Variants in IL13RA1 observed in about 807,000 individuals in gnomAD.
IL13RA1 encodes interleukin-13 receptor subunit alpha-1.
In IL13RA1, 14 loss-of-function variants were observed where a neutral mutation model predicts 33.8. The ratio of observed to expected loss-of-function variants is 0.41; its 90% CI spans 0.27 to 0.65. The LOEUF is 0.65. IL13RA1 is among the 30% of genes least tolerant of loss of function. The pLI is 0.28. For missense variants in IL13RA1, 313 were observed against 327.0 expected (o/e 0.96, Z 0.33); for synonymous variants, 116 against 115.7 (o/e 1.00, Z -0.02).
downstream of IL13RA1, among the ~76,000 whole-genome samples, chrX:118,795,424 A>T (rs1188438630): frequency 9.0e-6 from 1 of 111,163 alleles, no homozygotes; most frequent in Non-Finnish European, 1.9e-5. Flanking sequence ...ATAGAATCCA[A>T]ACCCTAGGGA....
intron 1 of IL13RA1, among the ~76,000 whole-genome samples, chrX:118,732,151 A>G (rs1371237183): frequency 9.0e-6 from 1 of 110,929 alleles, no homozygotes. Context: ...ATCCATCCCC[A>G]TAACTCTTTT....
chrX:118,804,481 G>A, the IL13RA1 span, among the ~76,000 whole-genome samples: 3 of 109,917 alleles, frequency 2.7e-5, no homozygotes, highest in Non-Finnish European at 3.8e-5. Flanking sequence ...GCAAATGGTA[G>A]TACAGAGCAT....
intron 1 of IL13RA1, among the ~76,000 whole-genome samples, chrX:118,734,746 A>G (rs769693704): frequency 1.3e-4 from 15 of 111,952 alleles, no homozygotes; most frequent in South Asian, 7.3e-4. Flanking sequence ...TTGTACATCA[A>G]TGTTCATAAG....
At chrX:118,769,030 CAG>C (rs778977404) in intron 8 of IL13RA1, among the ~76,000 whole-genome samples, 11 of 112,541 alleles carry the variant, frequency 9.8e-5, no homozygotes, top group Admixed American at 5.7e-4. Context: ...AAGCAAGAAA[CAG>C]TGTGAGAGAA....
chrX:118,766,318 T>C (rs1233376078), intron 6 of IL13RA1, among the ~76,000 whole-genome samples: 4 of 111,224 alleles, frequency 3.6e-5, no homozygotes, highest in Non-Finnish European at 7.5e-5. Context: ...TTGTGAATAG[T>C]ATGAGGTAGG....
chrX:118,748,699 G>A (rs944577937), intron 3 of IL13RA1, among the ~76,000 whole-genome samples: 1 of 111,111 alleles, frequency 9.0e-6, no homozygotes, highest in African/African-American at 3.3e-5. Context: ...ATGGCTCAGT[G>A]TAGTACCCCT....
At chrX:118,783,620 T>G (rs1392220483) in intron 10 of IL13RA1, among the ~76,000 whole-genome samples, 1 of 110,879 alleles carries the variant, frequency 9.0e-6, no homozygotes, top group Non-Finnish European at 1.9e-5. Flanking sequence ...TCTGTTGTAG[T>G]GTTCACCTCA....
Position 118,776,424 on chromosome X carries a change from A to C in IL13RA1, c.1107-3A>C. ...TGAATCAAATGTCTCTGTTTTCTTA[A>C]AGGCTCAAGATTATTATATTCCCTC... is the stretch of plus-strand genomic sequence containing the variant. On this transcript the variant is annotated splice_polypyrimidine_tract_variant and splice_region_variant and intron_variant, in intron 9 of 10. Coordinates refer to ENST00000371666, the MANE Select transcript of IL13RA1 (RefSeq NM_001560.3). 1.1e-6 allele frequency: 1 copy of C among 884,482 alleles called. No homozygotes were observed. The highest frequency in any genetic ancestry group is 1.7e-6 in the Non-Finnish European group (1 of 603,212). 72.9% of individuals were successfully genotyped at this position (884,482 alleles called of 1,213,427 possible).
intron 6 of IL13RA1, among the ~76,000 whole-genome samples, chrX:118,761,809 A>G (rs1489080928): frequency 8.9e-6 from 1 of 111,843 alleles, no homozygotes; most frequent in Non-Finnish European, 1.9e-5. Context: ...GACCAGAATG[A>G]TGAGCAGACG....
chrX:118,784,160 TATATAC>T, intron 10 of IL13RA1, among the ~76,000 whole-genome samples: 1 of 95,621 alleles, frequency 1.0e-5, no homozygotes, highest in African/African-American at 3.8e-5. Context: ...TATATACACA[TATATAC>T]GTATATATAT....
the IL13RA1 span, among the ~76,000 whole-genome samples, chrX:118,801,664 G>A: frequency 8.9e-6 from 1 of 112,542 alleles, no homozygotes; most frequent in African/African-American, 3.2e-5. Flanking sequence ...GCGTTGCTGT[G>A]AGGTGTCAGT....
Position 118,793,257 on chromosome X carries a change from A to ATG in IL13RA1, c.*1406_*1407dup, listed in dbSNP as rs1361308193. On this transcript the variant is annotated 3_prime_UTR_variant, in exon 11 of 11. Transcript: ENST00000371666. ...AATTCTTGCATATTTTGTAACTTCC[A>ATG]TGTGAGGGTTTTCAGCATTGATATT... 1.8e-5 allele frequency: 2 copies of ATG among 112,144 alleles called. No homozygotes were observed. The highest frequency in any genetic ancestry group is 3.8e-5 in the Non-Finnish European group (2 of 53,162). 9.2% of individuals were successfully genotyped at this position (112,144 alleles called of 1,213,427 possible).
intron 4 of IL13RA1, among the ~76,000 whole-genome samples, chrX:118,754,726 G>A (rs370751406): frequency 5.5e-5 from 6 of 109,611 alleles, no homozygotes; most frequent in African/African-American, 1.0e-4. Context: ...GCCTCTTCCC[G>A]TCTCACAGAA....
At chrX:118,790,456 G>C (rs2017963586) in intron 10 of IL13RA1, among the ~76,000 whole-genome samples, 1 of 111,974 alleles carries the variant, frequency 8.9e-6, no homozygotes, top group African/African-American at 3.2e-5. Flanking sequence ...CATTCATGTA[G>C]AAGTCTTTGT....
chrX:118,805,078 T>A, the IL13RA1 span, among the ~76,000 whole-genome samples: 4 of 111,812 alleles, frequency 3.6e-5, no homozygotes, highest in South Asian at 1.5e-3. Context: ...CTCTTCCTTA[T>A]CCCTCCCTAA....
At chrX:118,765,261 C>CT (rs36015859) in intron 6 of IL13RA1, among the ~76,000 whole-genome samples, 6,425 of 96,314 alleles carry the variant, frequency 0.067, 592 homozygotes, top group African/African-American at 0.22. Flanking sequence ...TCAAGCCCAG[C>CT]TTTTTTTTTT....
At chrX:118,779,239 T>C (rs914453759) in intron 10 of IL13RA1, among the ~76,000 whole-genome samples, 1 of 111,785 alleles carries the variant, frequency 8.9e-6, no homozygotes, top group Non-Finnish European at 1.9e-5. Context: ...GTAACAGGAA[T>C]CTTTGAGCCT....
At chrX:118,796,289 CAT>C (rs1249117817), downstream of IL13RA1, among the ~76,000 whole-genome samples, 1 of 111,697 alleles carries the variant, frequency 9.0e-6, no homozygotes, top group Admixed American at 9.5e-5. Context: ...GAAACTGAGA[CAT>C]AGAGCGATTG....
chrX:118,743,834 C>T (rs1053680790), intron 2 of IL13RA1, among the ~76,000 whole-genome samples: 6 of 111,826 alleles, frequency 5.4e-5, no homozygotes, highest in Admixed American at 4.7e-4. Context: ...TGGGAGCCAT[C>T]ACACATACCT....
Sources: gnomAD v4.1 joint callset for allele counts (sites outside exome capture counted in the v4.1 genomes callset) on GRCh38, gnomAD v4.1.1 for gene constraint, MANE v1.5 for transcripts, NCBI Gene and HGNC (gene_info 2026-07-23, HGNC 2026-07-21) for gene names.